Variants in SP6 observed in about 807,000 individuals in gnomAD.
SP6 encodes transcription factor Sp6.
SP6 carries 10 observed loss-of-function variants against 23.4 expected under a neutral mutation model. The ratio of observed to expected loss-of-function variants is 0.43; its 90% CI spans 0.26 to 0.72. The LOEUF (loss-of-function observed/expected upper bound fraction) is 0.72. SP6 is among the 30% of genes least tolerant of loss of function. SP6 has a pLI of 0.23. For synonymous variants in SP6, 238 were observed against 238.7 expected (o/e 1.00, Z 0.03); for missense variants, 482 against 523.8 (o/e 0.92, Z 0.78).
the SP6 span, among the ~76,000 whole-genome samples, chr17:47,875,861 C>T: frequency 6.6e-6 from 1 of 152,180 alleles, no homozygotes; most frequent in African/African-American, 2.4e-5. Flanking sequence ...TTTTCCTTCT[C>T]TCTGATCTTC....
the SP6 span, among the ~76,000 whole-genome samples, chr17:47,865,978 C>T: frequency 1.6e-4 from 24 of 152,290 alleles, no homozygotes; most frequent in East Asian, 4.6e-3. Flanking sequence ...CTCTTCTCTA[C>T]ACTGATCACC....
upstream of SP6, among the ~76,000 whole-genome samples, chr17:47,860,721 A>C (rs2034030149): frequency 9.8e-6 from 1 of 101,764 alleles, no homozygotes. Context: ...AAAAAGTTAA[A>C]ATAAATAAAT....
chr17:47,874,921 C>G, the SP6 span, among the ~76,000 whole-genome samples: 2 of 152,132 alleles, frequency 1.3e-5, no homozygotes, highest in Non-Finnish European at 2.9e-5. Context: ...TCCACCTGCC[C>G]AAACCTGTGG....
Position 47,847,135 on chromosome 17 carries a change from A to G in SP6, c.*164T>C. On this transcript the variant is annotated 3_prime_UTR_variant, in exon 2 of 2. Coordinates refer to ENST00000536300, the MANE Select transcript of SP6 (RefSeq NM_001258248.2). ...ATCCTGCCTAGTAGCCCCAGAGACT[A>G]AGAACCCCTAGCGCCCCATCTCCCT... 2 of 716,168 alleles carry G rather than the reference A, an allele frequency of 2.8e-6. No homozygotes were observed. The highest frequency in any genetic ancestry group is 4.5e-6 in the Non-Finnish European group (2 of 446,358). The allele number at this position is 716,168 out of a possible 1,614,324, so 44.4% of individuals were successfully genotyped here.
rs2033877822 is a variant in SP6 at position 47,845,713 on chromosome 17, GCA to G, written c.*1584_*1585del. ...ACATGCACACAGGTACACACAACAT[GCA>G]CACACATAACCTAATATTAAATAAA... On this transcript the variant is annotated 3_prime_UTR_variant, in exon 2 of 2. Coordinates refer to ENST00000536300, the MANE Select transcript of SP6 (RefSeq NM_001258248.2). 6.6e-6 allele frequency: 1 copy of G among 152,558 alleles called. No individual in the cohort carries two copies. Among genetic ancestry groups the G allele is most frequent in the Non-Finnish European group, 1.5e-5 (1 of 68,016 alleles). The allele number at this position is 152,558 out of a possible 1,614,324, so 9.5% of individuals were successfully genotyped here.
At chr17:47,873,022 G>GGA in the SP6 span, among the ~76,000 whole-genome samples, 5 of 152,250 alleles carry the variant, frequency 3.3e-5, no homozygotes, top group Non-Finnish European at 7.3e-5. Flanking sequence ...CTGGCAACCG[G>GGA]GAGGCTCTCA....
At position 47,847,260 on chromosome 17, in the gene SP6, G is replaced by GC. The variant is rs1598057802; in HGVS notation, c.*38dup. 2.7e-6 allele frequency: 4 copies of GC among 1,465,850 alleles called. No individual in the cohort carries two copies. The highest frequency in any genetic ancestry group is 1.8e-6 in the Non-Finnish European group (2 of 1,107,454). The allele number at this position is 1,465,850 out of a possible 1,614,324, so 90.8% of individuals were successfully genotyped here. A position where few individuals can be genotyped will look rare whatever the true frequency, so the allele number is the denominator to read the frequency against. The stretch of plus-strand genomic sequence containing the variant: ...TCAGACCTGGGGGCTCGCATCCAGT[G>GC]CCCCCCGGGATACCCGCAGGGAGGC... On this transcript the variant is annotated 3_prime_UTR_variant, in exon 2 of 2. Coordinates refer to ENST00000536300, the MANE Select transcript of SP6 (RefSeq NM_001258248.2).
chr17:47,874,705 A>G, the SP6 span, among the ~76,000 whole-genome samples: 1 of 152,108 alleles, frequency 6.6e-6, no homozygotes, highest in Non-Finnish European at 1.5e-5. Context: ...TAATTTGGAG[A>G]GTGCATGTGG....
At chr17:47,870,293 C>T in the SP6 span, among the ~76,000 whole-genome samples, 2 of 152,214 alleles carry the variant, frequency 1.3e-5, no homozygotes, top group Admixed American at 1.3e-4. Flanking sequence ...CAGGGTCCTA[C>T]CCTCTCCACC....
chr17:47,874,165 C>T, the SP6 span, among the ~76,000 whole-genome samples: 1 of 151,986 alleles, frequency 6.6e-6, no homozygotes, highest in Non-Finnish European at 1.5e-5. Context: ...TAACTCACTG[C>T]AGCCTCAACC....
Position 47,847,522 on chromosome 17 carries a change from C to G in SP6, c.908G>C (p.Arg303Pro). ...GGTGCCGGTGTGGGTCTGGAGGTGG[C>G]GCTGCAGCTCGTCCGAGCGCGTGAA... ...KRFTRSDELQ[R>P]HLQTHTGTKK... Residue 303 changes from arginine (R) to proline (P), a missense_variant, in exon 2 of 2, where the codon CGC becomes CCC. This residue lies in a region of SP6 where 51 missense variants were observed against 92.1 expected (regional missense o/e 0.55). Transcript: ENST00000536300. 1 of 1,613,622 alleles carries G rather than the reference C, an allele frequency of 6.2e-7. No individual in the cohort carries two copies. The highest frequency in any genetic ancestry group is 1.3e-5 in the African/African-American group (1 of 75,032).
chr17:47,848,408 A>G lies in SP6; in HGVS notation c.22T>C (p.Ser8Pro), dbSNP rs1423558573. The G allele has an allele frequency of 3.3e-6, 5 of 1,525,696 alleles. No homozygotes were observed. The East Asian group carries it at 9.6e-5, about 29-fold the overall frequency. The allele number at this position is 1,525,696 out of a possible 1,614,324, so 94.5% of individuals were successfully genotyped here. ...GCTTCCGTGTGCTGGCTGCCCAGAGAGCCGCAGACAGCGGTTAGCATTGCC... is the reference window on the plus strand; with the variant it reads ...GCTTCCGTGTGCTGGCTGCCCAGAGGGCCGCAGACAGCGGTTAGCATTGCC... MLTAVCG[S>P]LGSQHTEAPH... Residue 8 changes from serine to proline, a missense_variant, in exon 2 of 2, where the codon TCT becomes CCT. By Grantham distance (74) the Ser-to-Pro change is moderately conservative (BLOSUM62 -1). Coordinates refer to ENST00000536300, the MANE Select transcript of SP6 (RefSeq NM_001258248.2). This position sits in a 1 kb window ranked among gnomAD's most constrained non-coding sequence, Gnocchi z 5.3.
At chr17:47,858,078 T>C (rs1258800796), upstream of SP6, among the ~76,000 whole-genome samples, 1 of 152,044 alleles carries the variant, frequency 6.6e-6, no homozygotes, top group Non-Finnish European at 1.5e-5. Context: ...TCCTCTGCCC[T>C]CGCCTCTCGG....
chr17:47,853,913 C>A (rs1431844066), upstream of SP6, among the ~76,000 whole-genome samples: 1 of 152,196 alleles, frequency 6.6e-6, no homozygotes, highest in Non-Finnish European at 1.5e-5. Flanking sequence ...TGCTTCCAGC[C>A]CTTTTGGTTT....
upstream of SP6, chr17:47,851,189 T>G (rs1464381129): frequency 6.6e-6 from 1 of 152,412 alleles, no homozygotes; most frequent in Non-Finnish European, 1.5e-5. Context: ...CCAGCGCTGC[T>G]TTTTCCCCCG....
At chr17:47,856,484 G>A (rs956890756), upstream of SP6, among the ~76,000 whole-genome samples, 1 of 152,154 alleles carries the variant, frequency 6.6e-6, no homozygotes, top group African/African-American at 2.4e-5. Context: ...GGGTGAAGAG[G>A]GTAGGAAGGT....
chr17:47,862,367 G>T, the SP6 span, among the ~76,000 whole-genome samples: 24 of 151,504 alleles, frequency 1.6e-4, no homozygotes, highest in African/African-American at 5.8e-4. Flanking sequence ...AAAAAATTGG[G>T]TGTGGTGGCA....
the SP6 span, among the ~76,000 whole-genome samples, chr17:47,866,470 T>C: frequency 6.6e-6 from 1 of 152,016 alleles, no homozygotes; most frequent in Non-Finnish European, 1.5e-5. Flanking sequence ...GGAGATAGGG[T>C]TCAAATCCCT....
At chr17:47,871,486 C>T in the SP6 span, among the ~76,000 whole-genome samples, 1 of 152,178 alleles carries the variant, frequency 6.6e-6, no homozygotes, top group Non-Finnish European at 1.5e-5. Flanking sequence ...ATTGTTTGTT[C>T]TAGGTCTTCT....
Sources: allele counts gnomAD v4.1 joint callset (sites outside exome capture counted in the v4.1 genomes callset), GRCh38; gene constraint gnomAD v4.1.1; regional missense constraint gnomAD v4.1.1; non-coding constraint Gnocchi (gnomAD v3.1); transcripts MANE v1.5; gene names NCBI Gene and HGNC (gene_info 2026-07-23, HGNC 2026-07-21).